SLC44A5: variants seen among roughly 807,000 people sequenced by gnomAD.
SLC44A5 encodes solute carrier family 44 member 5.
A neutral mutation model predicts 101.8 loss-of-function variants in SLC44A5; 57 were observed. The observed-to-expected ratio is 0.56, with a 90% CI of 0.45 to 0.70. The LOEUF (loss-of-function observed/expected upper bound fraction) is 0.70, where lower values mean the gene tolerates loss of function less well. Ranked by LOEUF, SLC44A5 falls within the 30% of genes least tolerant of loss-of-function variation. The pLI, the probability that SLC44A5 is intolerant of heterozygous loss-of-function variation, is 0.00. For missense variants in SLC44A5, 737 were observed against 853.1 expected (o/e 0.86, Z 1.70); for synonymous variants, 281 against 290.9 (o/e 0.97, Z 0.35).
rs977103004 is a variant in SLC44A5, at chr1:75,219,869, G to A, written c.1109C>T (p.Thr370Ile). Residue 370 changes from threonine to isoleucine, a missense_variant, in exon 15 of 24, where the codon ACA becomes ATA. Transcript: ENST00000370859. ...GSKAIGYVPS[T>I]LVYPALTFIL... ...GAAAGTTAAAGCTGGATAGACTAATGTACTAGGAACATATCCAATGGCTCT... is the reference window on the plus strand; with the variant it reads ...GAAAGTTAAAGCTGGATAGACTAATATACTAGGAACATATCCAATGGCTCT... The A allele has an allele frequency of 6.2e-7, 1 of 1,610,536 alleles. No homozygotes were observed. The highest frequency in any genetic ancestry group is 8.5e-7 in the Non-Finnish European group (1 of 1,177,618).
chr1:75,421,989 G>A (rs1173384080), intron 2 of SLC44A5, among the ~76,000 whole-genome samples: 1 of 152,088 alleles, frequency 6.6e-6, no homozygotes. Flanking sequence ...GGCTGTGATT[G>A]TATAAAATGG....
At position 75,217,878 on chromosome 1, in the gene SLC44A5, G is replaced by T; in HGVS notation, c.1612C>A (p.His538Asn). The T allele has an allele frequency of 6.3e-7, 1 of 1,584,588 alleles. No individual in the cohort carries two copies. The highest frequency in any genetic ancestry group is 1.1e-5 in the South Asian group (1 of 90,292). The stretch of plus-strand genomic sequence containing the variant: ...TCTGAAATCTTACGTTTAAGACGGT[G>T]GTCCAAGTATTCTAGTACAATTTTA... The part of the protein sequence containing the change: ...MFKIVLEYLD[H>N]RLKRTQNTLS... Residue 538 changes from histidine (H) to asparagine (N), a missense_variant, in exon 18 of 24, where the codon CAC (histidine) becomes AAC (asparagine). His to Asn is a moderately conservative substitution (Grantham distance 68). This residue lies in a region of SLC44A5 where 665 missense variants were observed against 764.4 expected (regional missense o/e 0.87). Transcript: ENST00000370859.
At chr1:75,693,939 G>C in the SLC44A5 span, among the ~76,000 whole-genome samples, 1 of 151,886 alleles carries the variant, frequency 6.6e-6, no homozygotes, top group African/African-American at 2.4e-5. Flanking sequence ...GAGGGTTTAA[G>C]AGAGAATGGG....
intron 2 of SLC44A5, among the ~76,000 whole-genome samples, chr1:75,454,662 T>G (rs547247592): frequency 6.6e-6 from 1 of 152,114 alleles, no homozygotes; most frequent in Non-Finnish European, 1.5e-5. Flanking sequence ...CCCAAAAGGC[T>G]CCTAGACCTG....
At chr1:75,678,851 T>A in the SLC44A5 span, among the ~76,000 whole-genome samples, 2 of 152,074 alleles carry the variant, frequency 1.3e-5, no homozygotes, top group African/African-American at 4.8e-5. Context: ...GGTAAAGAAG[T>A]TGAAAACTTT....
At chr1:75,642,236 TATG>T in the SLC44A5 span, 2 of 535,750 alleles carry the variant, frequency 3.7e-6, no homozygotes, top group Non-Finnish European at 3.3e-6. Context: ...CACTTGATAT[TATG>T]ATGACTTTTG....
intron 1 of SLC44A5, among the ~76,000 whole-genome samples, chr1:75,590,478 A>T (rs1489450923): frequency 6.6e-6 from 1 of 152,172 alleles, no homozygotes; most frequent in Non-Finnish European, 1.5e-5. Context: ...CCACAGAGGC[A>T]TACAGCACCA....
At chr1:75,216,955 T>C (rs665288) in intron 18 of SLC44A5, among the ~76,000 whole-genome samples, 118,744 of 151,956 alleles carry the variant, frequency 0.78, 46,611 homozygotes, top group East Asian at 0.98. Context: ...GTTTTTAAAT[T>C]TGATGAAGTT....
At chr1:75,479,009 G>C (rs972133642) in intron 2 of SLC44A5, among the ~76,000 whole-genome samples, 2 of 152,096 alleles carry the variant, frequency 1.3e-5, no homozygotes, top group Admixed American at 6.6e-5. Flanking sequence ...AAGTAAAGCT[G>C]TCCTCAGCAA....
At chr1:75,208,708 GA>G (rs969163615) in intron 23 of SLC44A5, among the ~76,000 whole-genome samples, 1 of 152,130 alleles carries the variant, frequency 6.6e-6, no homozygotes, top group African/African-American at 2.4e-5. Flanking sequence ...TGGATAAGGA[GA>G]GATTACTGCT....
At chr1:75,388,121 T>G (rs1661509718) in intron 3 of SLC44A5, among the ~76,000 whole-genome samples, 3 of 131,818 alleles carry the variant, frequency 2.3e-5, no homozygotes, top group African/African-American at 2.9e-5. Context: ...AGATGACGAG[T>G]TAGTGGGTGC....
intron 5 of SLC44A5, among the ~76,000 whole-genome samples, chr1:75,278,669 G>A (rs1359176724): frequency 6.6e-6 from 1 of 152,166 alleles, no homozygotes; most frequent in Non-Finnish European, 1.5e-5. Flanking sequence ...TGGAAGAGAT[G>A]TGAGTAGTCA....
intron 2 of SLC44A5, among the ~76,000 whole-genome samples, chr1:75,453,694 C>A (rs1373685441): frequency 1.3e-5 from 2 of 151,894 alleles, no homozygotes; most frequent in African/African-American, 4.8e-5. Context: ...CAAACGAGCT[C>A]AATCACCAGC....
intron 1 of SLC44A5, among the ~76,000 whole-genome samples, chr1:75,587,611 A>C (rs1397813761): frequency 1.3e-5 from 2 of 152,100 alleles, no homozygotes; most frequent in East Asian, 1.9e-4. Context: ...AATTTTTTTG[A>C]TTTTCTTTAA....
At chr1:75,339,807 A>G (rs957541932) in intron 3 of SLC44A5, among the ~76,000 whole-genome samples, 177 bp from the exon 4 acceptor site, 2 of 152,174 alleles carry the variant, frequency 1.3e-5, no homozygotes, top group African/African-American at 4.8e-5. Context: ...TCTTTCTCCT[A>G]TCTCCAGCTT....
chr1:75,287,426 C>CTTTTT lies in SLC44A5; in HGVS notation c.176-12389_176-12385dup, dbSNP rs371647505. 6.1e-3 allele frequency among the ~76,000 whole-genome samples: 425 copies of CTTTTT among 69,898 alleles called. 37 individuals carry two copies. The highest frequency in any genetic ancestry group is 0.017 in the East Asian group (32 of 1,872). 45.9% of individuals were successfully genotyped at this position (69,898 alleles called of 152,430 possible). A position where few individuals can be genotyped will look rare whatever the true frequency, so the allele number is the denominator to read the frequency against. On this transcript the variant is annotated intron_variant, in intron 5 of 23. Transcript: ENST00000370859. Reference sequence around the variant, plus strand: ...AGCTTAATAATTGACCTTCTGAATTCTTTTTTTTTTTTTTTTTTTTTTTGG... The same window carrying CTTTTT: ...AGCTTAATAATTGACCTTCTGAATTCTTTTTTTTTTTTTTTTTTTTTTTTTTTTGG...
At chr1:75,357,159 A>C (rs1372361201) in intron 3 of SLC44A5, 1 of 455,448 alleles carries the variant, frequency 2.2e-6, no homozygotes, top group South Asian at 1.6e-5. Context: ...ACTTGCAGGA[A>C]TTTAGAGAAA....
At chr1:75,347,270 T>C (rs1658315518) in intron 3 of SLC44A5, among the ~76,000 whole-genome samples, 2 of 152,166 alleles carry the variant, frequency 1.3e-5, no homozygotes, top group Non-Finnish European at 1.5e-5. Context: ...AAAATTAAAC[T>C]GCTTATCAAC....
At chr1:75,529,437 G>T (rs571322433) in intron 2 of SLC44A5, among the ~76,000 whole-genome samples, 3 of 152,202 alleles carry the variant, frequency 2.0e-5, no homozygotes, top group Admixed American at 2.0e-4. Flanking sequence ...ATCTTCACCT[G>T]TTTAGAGGTA....
Sources: gnomAD v4.1 joint callset for allele counts (sites outside exome capture counted in the v4.1 genomes callset) on GRCh38, gnomAD v4.1.1 for gene constraint, gnomAD v4.1.1 regional missense constraint, MANE v1.5 for transcripts, NCBI Gene and HGNC (gene_info 2026-07-23, HGNC 2026-07-21) for gene names.